Variants in VSIG1 observed in about 807,000 individuals in gnomAD.
The protein encoded by VSIG1 is V-set and immunoglobulin domain containing 1, also known as V-set and immunoglobulin domain-containing protein 1.
Under a neutral mutation model 20.1 loss-of-function variants are expected in VSIG1, and 11 were observed. The ratio of observed to expected loss-of-function variants is 0.55; its 90% CI spans 0.34 to 0.91. VSIG1 has a LOEUF of 0.91. VSIG1 is among the 40% of genes least tolerant of loss of function. The pLI, the probability that VSIG1 is intolerant of heterozygous loss-of-function variation, is 0.02. For missense variants in VSIG1, 283 were observed against 298.8 expected, an observed-to-expected ratio of 0.95 and a Z score of 0.39; for synonymous variants, 126 against 116.7, an observed-to-expected ratio of 1.08 and a Z score of -0.52.
chrX:108,052,006 T>C (rs1319592110), intron 1 of VSIG1, among the ~76,000 whole-genome samples: 1 of 111,005 alleles, frequency 9.0e-6, no homozygotes, highest in Non-Finnish European at 1.9e-5. Flanking sequence ...TGGGGAGAAG[T>C]TGACCAAAGG....
chrX:108,068,055 A>C (rs991441357), intron 3 of VSIG1, among the ~76,000 whole-genome samples: 2 of 112,104 alleles, frequency 1.8e-5, no homozygotes, highest in African/African-American at 6.5e-5. Flanking sequence ...GTGACTTAAT[A>C]GTTGAGTAGC....
Position 108,077,168 on chromosome X carries a change from AC to A in VSIG1, c.953del (p.Pro318GlnfsTer56). 1 of 1,211,821 alleles carries A rather than the reference AC, an allele frequency of 8.3e-7. No individual in the cohort carries two copies. Among genetic ancestry groups the A allele is most frequent in the South Asian group, 1.8e-5 (1 of 56,998 alleles). ...AGACTGGCCCTGATACCATCCAAGA[AC>A]CAGACTATGAGCCAAAGCCTACTCA... ...HETGPDTIQE[P>X]DYEPKPTQEP... On this transcript the variant is annotated frameshift_variant, in exon 7 of 7. Transcript: ENST00000217957. LOFTEE classifies it low-confidence loss of function (END_TRUNC).
chrX:108,068,996 A>G (rs1264658437), intron 3 of VSIG1, among the ~76,000 whole-genome samples: 2 of 111,562 alleles, frequency 1.8e-5, no homozygotes, highest in African/African-American at 6.5e-5. Context: ...TGGAGATCAA[A>G]GGGGTTTTTA....
At position 108,047,903 on chromosome X, in the gene VSIG1, T is replaced by TACACATATATATATACAC. The variant is rs2030654325; in HGVS notation, c.49+2726_49+2743dup. On this transcript the variant is annotated intron_variant, in intron 1 of 6. Transcript: ENST00000217957. Reference sequence around the variant, plus strand: ...ATATATATACACACATATATATATATACACATATATATATACACATATATA... The same window carrying TACACATATATATATACAC: ...ATATATATACACACATATATATATATACACATATATATATACACACACATATATATATACACATATATA... Among the ~76,000 whole-genome samples, 2 of 17,388 alleles carry TACACATATATATATACAC rather than the reference T, an allele frequency of 1.2e-4. 1 individual carries two copies. The highest frequency in any genetic ancestry group is 1.6e-4 in the Non-Finnish European group (2 of 12,359). The allele number at this position is 17,388 out of a possible 115,157, so 15.1% of individuals were successfully genotyped here.
intron 1 of VSIG1, among the ~76,000 whole-genome samples, chrX:108,057,226 G>T (rs1403729846): frequency 8.9e-6 from 1 of 112,279 alleles, no homozygotes; most frequent in Non-Finnish European, 1.9e-5. Flanking sequence ...GTTGTCCATG[G>T]TTAGGACAGG....
At chrX:108,070,858 T>C (rs1039928637) in intron 3 of VSIG1, among the ~76,000 whole-genome samples, 2 of 112,199 alleles carry the variant, frequency 1.8e-5, no homozygotes, top group African/African-American at 6.5e-5. Context: ...ATTATAGCTA[T>C]ATGCATCTGT....
chrX:108,067,633 A>G (rs779893274), intron 3 of VSIG1, among the ~76,000 whole-genome samples: 2 of 112,573 alleles, frequency 1.8e-5, no homozygotes, highest in Non-Finnish European at 3.8e-5. Context: ...GACTGAAATT[A>G]ATCTAGTGTT....
At chrX:108,062,178 A>T (rs750909086) in intron 2 of VSIG1, among the ~76,000 whole-genome samples, 2 of 111,395 alleles carry the variant, frequency 1.8e-5, no homozygotes, top group Non-Finnish European at 1.9e-5. Flanking sequence ...CCTGTCCCTG[A>T]ACAGACCATG....
the VSIG1 span, among the ~76,000 whole-genome samples, chrX:108,031,024 T>C: frequency 1.8e-5 from 2 of 112,484 alleles, no homozygotes; most frequent in Non-Finnish European, 3.8e-5. Flanking sequence ...CCCACTCAGA[T>C]GCACAAATTC....
intron 1 of VSIG1, among the ~76,000 whole-genome samples, chrX:108,046,578 T>G (rs1382935347): frequency 1.8e-5 from 2 of 110,298 alleles, no homozygotes; most frequent in Non-Finnish European, 3.8e-5. Context: ...TAACTGTACC[T>G]AACATACAAG....
At chrX:108,060,858 A>T (rs753502218) in intron 2 of VSIG1, among the ~76,000 whole-genome samples, 4 of 112,371 alleles carry the variant, frequency 3.6e-5, no homozygotes, top group Non-Finnish European at 7.5e-5. Flanking sequence ...TATTGGCATC[A>T]TCACTTACAA....
the VSIG1 span, among the ~76,000 whole-genome samples, chrX:108,037,700 A>G: frequency 1.5e-3 from 171 of 112,766 alleles, no homozygotes; most frequent in African/African-American, 5.4e-3. Context: ...TTAAATCCAA[A>G]TTCATAAATT....
chrX:108,035,386 CT>C, the VSIG1 span, among the ~76,000 whole-genome samples: 6 of 108,040 alleles, frequency 5.6e-5, no homozygotes, highest in African/African-American at 1.7e-4. Context: ...AGTAACAATT[CT>C]TTTTTTTTTA....
At chrX:108,035,264 A>G in the VSIG1 span, among the ~76,000 whole-genome samples, 1 of 110,852 alleles carries the variant, frequency 9.0e-6, no homozygotes, top group Non-Finnish European at 1.9e-5. Context: ...AAAACCAGCT[A>G]ATTTTTTTGT....
Position 108,058,136 on chromosome X carries a change from G to A in VSIG1, c.148G>A (p.Ala50Thr). 2.5e-6 allele frequency: 3 copies of A among 1,210,853 alleles called. No individual in the cohort carries two copies. The highest frequency in any genetic ancestry group is 2.3e-4 in the Middle Eastern group (1 of 4,343). The change falls in exon 2 of 7, where the codon GCC becomes ACC. Residue 50 changes from alanine (A) to threonine (T), a missense_variant. By Grantham distance (58) the Ala-to-Thr change is moderately conservative. Coordinates refer to ENST00000217957, the MANE Select transcript of VSIG1 (RefSeq NM_182607.5). ...CATCTGCATCTACACCACCACTGTGGCCTCCCGAGAACAGCTTTCCATCCA... is the reference window on the plus strand; with the variant it reads ...CATCTGCATCTACACCACCACTGTGACCTCCCGAGAACAGCTTTCCATCCA... The part of the protein sequence containing the change: ...TLICIYTTTV[A>T]SREQLSIQWS...
chrX:108,046,924 A>G (rs1427846230), intron 1 of VSIG1, among the ~76,000 whole-genome samples: 5 of 110,689 alleles, frequency 4.5e-5, no homozygotes, highest in Admixed American at 1.9e-4. Context: ...CTACACACAT[A>G]TTATCTAGTT....
Position 108,077,264 on chromosome X carries a change from G to C in VSIG1, c.1047G>C (p.Glu349Asp), listed in dbSNP as rs752081016. The C allele has an allele frequency of 8.3e-7, 1 of 1,211,909 alleles. No individual in the cohort carries two copies. Among genetic ancestry groups the C allele is most frequent in the South Asian group, 1.8e-5 (1 of 56,996 alleles). The change falls in exon 7 of 7, where the codon GAG becomes GAC. Residue 349 changes from glutamate (E) to aspartate (D), a missense_variant. Coordinates refer to ENST00000217957, the MANE Select transcript of VSIG1 (RefSeq NM_182607.5). ...TGCCTGACCTTGACATCGAGCTGGA[G>C]CTGGAGCCAGAAACGCAGTCGGAAT... is the stretch of plus-strand genomic sequence containing the variant. ...MAVPDLDIELELEPETQSELE... is the reference protein window; with the variant it reads ...MAVPDLDIELDLEPETQSELE...
At chrX:108,050,857 G>T (rs931196850) in intron 1 of VSIG1, among the ~76,000 whole-genome samples, 1 of 111,365 alleles carries the variant, frequency 9.0e-6, no homozygotes, top group Non-Finnish European at 1.9e-5. Flanking sequence ...AGACAACCAG[G>T]GTAGAACTCT....
At chrX:108,076,975 C>T in intron 6 of VSIG1, 73 bp from the exon 7 acceptor site, 5 of 999,859 alleles carry the variant, frequency 5.0e-6, no homozygotes, top group Non-Finnish European at 6.8e-6. Flanking sequence ...AGCTACAGAA[C>T]ATATGGTTTC....
Sources: gnomAD v4.1 joint callset for allele counts (sites outside exome capture counted in the v4.1 genomes callset) on GRCh38, gnomAD v4.1.1 for gene constraint, MANE v1.5 for transcripts, NCBI Gene and HGNC (gene_info 2026-07-23, HGNC 2026-07-21) for gene names.